SPAG1: variants seen among roughly 807,000 people sequenced by gnomAD.
SPAG1 encodes sperm-associated antigen 1.
Under a neutral mutation model 100.5 loss-of-function variants are expected in SPAG1, and 69 were observed. The ratio of observed to expected loss-of-function variants is 0.69; its 90% confidence interval spans 0.57 to 0.84. The LOEUF is 0.84. Among genes scored for constraint, SPAG1 ranks in the 40% least tolerant of loss-of-function variants. SPAG1 has a pLI of 0.00. For missense variants in SPAG1, 955 were observed against 1,133.1 expected (o/e 0.84, Z 2.26); for synonymous variants, 336 against 411.6 (o/e 0.82, Z 2.22).
At chr8:100,188,161 TG>T (rs1816665467) in intron 8 of SPAG1, among the ~76,000 whole-genome samples, 1 of 151,496 alleles carries the variant, frequency 6.6e-6, no homozygotes, top group African/African-American at 2.4e-5. Context: ...AGCCTGTTTT[TG>T]TTTTTTTGAG....
At chr8:100,191,725 T>G (rs752101665) in intron 9 of SPAG1, among the ~76,000 whole-genome samples, 5 of 152,200 alleles carry the variant, frequency 3.3e-5, no homozygotes, top group Non-Finnish European at 7.3e-5. Flanking sequence ...AAGACAAATA[T>G]CAATTTTTCT....
chr8:100,169,392 T>C (rs1382733948), intron 3 of SPAG1, among the ~76,000 whole-genome samples: 1 of 152,180 alleles, frequency 6.6e-6, no homozygotes, highest in Non-Finnish European at 1.5e-5. Context: ...GAATAGCTGC[T>C]TAACTCTAGG....
At chr8:100,187,271 C>T (rs753048783) in intron 8 of SPAG1, 21 bp downstream of exon 8, 1 of 1,580,342 alleles carries the variant, frequency 6.3e-7, no homozygotes, top group South Asian at 1.2e-5. Flanking sequence ...TTATAGAATT[C>T]TTTTACATTT....
At position 100,231,135 on chromosome 8, in the gene SPAG1, CTTTG is replaced by C. The variant is rs1229841228; in HGVS notation, c.1856-17_1856-14del. 1.3e-6 allele frequency: 2 copies of C among 1,588,562 alleles called. No individual in the cohort carries two copies. Among genetic ancestry groups the C allele is most frequent in the Non-Finnish European group, 1.7e-6 (2 of 1,169,416 alleles). ...GGTGCTTGTACAGATACTTCCTCTT[CTTTG>C]TTTTTTTGTCCCATAGATGAAAAAA... On this transcript the variant is annotated splice_polypyrimidine_tract_variant and intron_variant, in intron 14 of 18. Transcript: ENST00000388798.
chr8:100,210,634 A>G (rs1817680742), intron 10 of SPAG1, among the ~76,000 whole-genome samples: 1 of 152,062 alleles, frequency 6.6e-6, no homozygotes, highest in Non-Finnish European at 1.5e-5. Flanking sequence ...AAGTGTTAGT[A>G]TATCTCAGGG....
intron 10 of SPAG1, among the ~76,000 whole-genome samples, chr8:100,195,784 G>T (rs1817007345): frequency 6.6e-6 from 1 of 151,978 alleles, no homozygotes; most frequent in Non-Finnish European, 1.5e-5. Context: ...TAGTAAAAAT[G>T]AACCTTTTGA....
At chr8:100,237,446 G>C (rs879464491) in intron 16 of SPAG1, among the ~76,000 whole-genome samples, 1 of 152,160 alleles carries the variant, frequency 6.6e-6, no homozygotes, top group Non-Finnish European at 1.5e-5. Context: ...TGTAGAAAAA[G>C]GAGGCTCTCT....
At chr8:100,189,585 GC>G (rs1321835985) in intron 8 of SPAG1, among the ~76,000 whole-genome samples, 1 of 152,146 alleles carries the variant, frequency 6.6e-6, no homozygotes, top group Non-Finnish European at 1.5e-5. Context: ...AACCTGGGAG[GC>G]AGAGGTTGTA....
At chr8:100,194,075 G>C (rs1816925824) in intron 9 of SPAG1, 37 bp from the exon 10 acceptor site, 1 of 1,261,028 alleles carries the variant, frequency 7.9e-7, no homozygotes, top group Non-Finnish European at 1.1e-6. Flanking sequence ...TATTATTAGA[G>C]GAAAATATTT....
chr8:100,202,581 G>C (rs1048972670), intron 10 of SPAG1, among the ~76,000 whole-genome samples: 1 of 150,304 alleles, frequency 6.7e-6, no homozygotes, highest in African/African-American at 2.4e-5. Context: ...GTGGTAGCGG[G>C]CGCCTGTAGT....
intron 2 of SPAG1, chr8:100,165,196 A>T: frequency 2.0e-6 from 1 of 488,154 alleles, no homozygotes; most frequent in Non-Finnish European, 4.1e-6. Context: ...TCTGAAAGGT[A>T]ATTGTATGTT....
At chr8:100,159,117 A>G (rs879171399) in intron 1 of SPAG1, 1 of 152,168 alleles carries the variant, frequency 6.6e-6, no homozygotes, top group Admixed American at 6.5e-5. Flanking sequence ...GTTGCAAAAT[A>G]CCTTCAATTC....
chr8:100,172,343 C>A (rs543949651), intron 3 of SPAG1, among the ~76,000 whole-genome samples: 85 of 152,160 alleles, frequency 5.6e-4, no homozygotes, highest in African/African-American at 2.0e-3. Context: ...TTGGGCTGGG[C>A]ACGAGTGGCT....
intron 10 of SPAG1, among the ~76,000 whole-genome samples, chr8:100,205,228 C>T (rs568585213): frequency 6.6e-6 from 1 of 152,328 alleles, no homozygotes; most frequent in South Asian, 2.1e-4. Flanking sequence ...GACCCCACTA[C>T]AGTACCAACA....
chr8:100,201,760 G>GC (rs1817285437), intron 10 of SPAG1, among the ~76,000 whole-genome samples: 1 of 152,086 alleles, frequency 6.6e-6, no homozygotes, highest in Non-Finnish European at 1.5e-5. Context: ...AGAGGGTCCT[G>GC]CCACATACTC....
Position 100,213,814 on chromosome 8 carries a change from T to G in SPAG1, c.1436-5T>G. The G allele has an allele frequency of 6.6e-7, 1 of 1,521,896 alleles. No individual in the cohort carries two copies. Among genetic ancestry groups the G allele is most frequent in the Non-Finnish European group, 9.1e-7 (1 of 1,102,872 alleles). The allele number at this position is 1,521,896 out of a possible 1,614,324, so 94.3% of individuals were successfully genotyped here. On this transcript the variant is annotated splice_polypyrimidine_tract_variant and splice_region_variant and intron_variant, in intron 11 of 18. Coordinates refer to ENST00000388798, the MANE Select transcript of SPAG1 (RefSeq NM_003114.5). Reference sequence around the variant, plus strand: ...TAACTGTATTTAATTAAATGTGATTTTTAGGAAGTGAAATTGCAGATGATC... The same window carrying G: ...TAACTGTATTTAATTAAATGTGATTGTTAGGAAGTGAAATTGCAGATGATC...
Position 100,220,363 on chromosome 8 carries a change from T to C in SPAG1, c.1620T>C (p.Ala540=). The C allele has an allele frequency of 6.2e-7, 1 of 1,613,996 alleles. No individual in the cohort carries two copies. The highest frequency in any genetic ancestry group is 8.5e-7 in the Non-Finnish European group (1 of 1,179,888). ...AAACTCTAGAGCAGTATGGGAAAGCTTATGTGGATTATAAAACAGTGTTGC... is the reference window on the plus strand; with the variant it reads ...AAACTCTAGAGCAGTATGGGAAAGCCTATGTGGATTATAAAACAGTGTTGC... ...AYETLEQYGK[A]YVDYKTVLQI... The change falls in exon 13 of 19, where the codon GCT becomes GCC. Residue 540 remains alanine, a synonymous_variant. Coordinates refer to ENST00000388798, the MANE Select transcript of SPAG1 (RefSeq NM_003114.5).
chr8:100,195,180 A>G (rs970497652), intron 10 of SPAG1, among the ~76,000 whole-genome samples: 2 of 151,810 alleles, frequency 1.3e-5, no homozygotes, highest in African/African-American at 2.4e-5. Context: ...AAAAAAAAGA[A>G]AAAGAAAAAA....
chr8:100,217,821 C>T (rs1407159852), intron 12 of SPAG1, among the ~76,000 whole-genome samples: 1 of 152,014 alleles, frequency 6.6e-6, no homozygotes, highest in Non-Finnish European at 1.5e-5. Context: ...CTCACTCTAT[C>T]ACCCAGGTTG....
Sources: gnomAD v4.1 joint callset for allele counts (sites outside exome capture counted in the v4.1 genomes callset) on GRCh38, gnomAD v4.1.1 for gene constraint, MANE v1.5 for transcripts, NCBI Gene and HGNC (gene_info 2026-07-23, HGNC 2026-07-21) for gene names.